The following DMD variants were observed in gnomAD, a reference collection of about 807,000 sequenced individuals.
DMD encodes dystrophin, also known as mutant dystrophin.
A neutral mutation model predicts 330.1 loss-of-function variants in DMD; 63 were observed. The ratio of observed to expected loss-of-function variants is 0.19; its 90% confidence interval spans 0.16 to 0.24. DMD has a LOEUF of 0.24. DMD is among the 10% of genes least tolerant of loss of function. The pLI, the probability that DMD is intolerant of heterozygous loss-of-function variation, is 1.00. For missense variants in DMD, 3,344 were observed against 2,684.1 expected, an observed-to-expected ratio of 1.25 and a Z score of -5.43; for synonymous variants, 1,223 against 959.8, an observed-to-expected ratio of 1.27 and a Z score of -5.07.
chrX:31,391,865 C>T (rs1472985980), intron 60 of DMD, among the ~76,000 whole-genome samples: 3 of 108,225 alleles, frequency 2.8e-5, no homozygotes, highest in African/African-American at 1.0e-4. Flanking sequence ...AGTGAGGCTC[C>T]ATCTCAAAAA....
At chrX:32,685,430 G>C (rs1285556676) in intron 9 of DMD, among the ~76,000 whole-genome samples, 1 of 111,659 alleles carries the variant, frequency 9.0e-6, no homozygotes, top group Non-Finnish European at 1.9e-5. Context: ...TCTAATTAAA[G>C]TTCTATTTTT....
chrX:32,533,147 C>T (rs1198301619), intron 17 of DMD, among the ~76,000 whole-genome samples: 1 of 111,229 alleles, frequency 9.0e-6, no homozygotes, highest in Non-Finnish European at 1.9e-5. Context: ...AAGATGGCCT[C>T]TCTCTCCCAA....
intron 60 of DMD, among the ~76,000 whole-genome samples, chrX:31,439,291 A>G (rs2064761356): frequency 1.8e-5 from 2 of 111,923 alleles, no homozygotes; most frequent in African/African-American, 6.5e-5. Flanking sequence ...TTTGTTTAGT[A>G]TGTCCTTGGA....
At chrX:31,961,514 G>A (rs771202562) in intron 45 of DMD, among the ~76,000 whole-genome samples, 1 of 111,580 alleles carries the variant, frequency 9.0e-6, no homozygotes, top group South Asian at 3.7e-4. Context: ...TTTTAATCTT[G>A]CTGGGGGAAA....
In DMD at chrX:32,277,910, A is replaced by G. The variant is rs1192739708; in HGVS notation, c.6290+9619T>C. ...AACAATGCAACTTAAAGACCTAGAC[A>G]AGCAGGAGCAAATCGAACCCAAAAT... On this transcript the variant is annotated intron_variant, in intron 43 of 78. Transcript: ENST00000357033. 5.4e-5 allele frequency among the ~76,000 whole-genome samples: 6 copies of G among 110,892 alleles called. No homozygotes were observed. The Admixed American group carries it at 5.8e-4, about 11-fold the overall frequency.
chrX:33,010,212 A>G (rs1390755871), intron 2 of DMD, among the ~76,000 whole-genome samples: 87 of 94,653 alleles, frequency 9.2e-4, no homozygotes, highest in African/African-American at 3.6e-3. Context: ...ATGTGTGTGT[A>G]TATGTACATA....
intron 2 of DMD, among the ~76,000 whole-genome samples, chrX:32,989,767 C>A (rs959197121): frequency 9.0e-6 from 1 of 110,955 alleles, no homozygotes; most frequent in African/African-American, 3.3e-5. Flanking sequence ...ATAAAAAGTA[C>A]TTTGTGTAAA....
At chrX:32,441,739 C>T (rs1026331740) in intron 27 of DMD, among the ~76,000 whole-genome samples, 1 of 111,382 alleles carries the variant, frequency 9.0e-6, no homozygotes, top group Non-Finnish European at 1.9e-5. Flanking sequence ...AACTATAGCT[C>T]TCTTTTCACT....
At chrX:32,119,772 C>T (rs761498706) in intron 44 of DMD, among the ~76,000 whole-genome samples, 20 of 112,397 alleles carry the variant, frequency 1.8e-4, no homozygotes, top group African/African-American at 6.1e-4. Context: ...GTCTTAACCA[C>T]ATCTGATTGA....
chrX:32,690,913 T>A (rs1385660858), intron 9 of DMD, among the ~76,000 whole-genome samples: 2 of 111,521 alleles, frequency 1.8e-5, no homozygotes, highest in East Asian at 5.6e-4. Flanking sequence ...GGAAAAATCT[T>A]GTGACATTCA....
At chrX:32,631,986 A>G (rs1439075932) in intron 11 of DMD, among the ~76,000 whole-genome samples, 2 of 111,574 alleles carry the variant, frequency 1.8e-5, no homozygotes, top group African/African-American at 3.3e-5. Flanking sequence ...GTCTTTACTT[A>G]TTCCAGAATT....
At chrX:31,257,537 A>G (rs1405237751) in intron 63 of DMD, among the ~76,000 whole-genome samples, 1 of 112,114 alleles carries the variant, frequency 8.9e-6, no homozygotes, top group African/African-American at 3.2e-5. Flanking sequence ...GTAAAAACTA[A>G]AATCAATGAA....
At chrX:32,664,709 A>G (rs1359779379) in intron 9 of DMD, among the ~76,000 whole-genome samples, 2 of 112,126 alleles carry the variant, frequency 1.8e-5, no homozygotes, top group African/African-American at 3.2e-5. Flanking sequence ...TTAGTTTTAC[A>G]TAGGGTAAAT....
chrX:32,670,968 A>G (rs1247421744), intron 9 of DMD, among the ~76,000 whole-genome samples: 1 of 110,996 alleles, frequency 9.0e-6, no homozygotes, highest in African/African-American at 3.3e-5. Context: ...ATATACATAT[A>G]AAGTACATTC....
intron 7 of DMD, among the ~76,000 whole-genome samples, chrX:32,716,517 C>T (rs185360762): frequency 9.0e-6 from 1 of 111,446 alleles, no homozygotes; most frequent in Non-Finnish European, 1.9e-5. Context: ...ATTACTCAAT[C>T]TCAGGTAGTT....
chrX:31,739,551 T>C lies in DMD; in HGVS notation c.7543-9803A>G, dbSNP rs1034835063. Among the ~76,000 whole-genome samples the C allele has an allele frequency of 8.2e-5, 9 of 110,185 alleles. No individual in the cohort carries two copies. The East Asian group carries it at 2.3e-3, about 28-fold the overall frequency. ...GCATGTTCTCACTCGTAAGTGGGAATTGAACAATGAGAACACATGGACACA... is the reference window on the plus strand; with the variant it reads ...GCATGTTCTCACTCGTAAGTGGGAACTGAACAATGAGAACACATGGACACA... On this transcript the variant is annotated intron_variant, in intron 51 of 78. Coordinates refer to ENST00000357033, the MANE Select transcript of DMD (RefSeq NM_004006.3).
intron 50 of DMD, among the ~76,000 whole-genome samples, chrX:31,783,363 A>G (rs976444414): frequency 9.0e-6 from 1 of 111,607 alleles, no homozygotes; most frequent in Non-Finnish European, 1.9e-5. Flanking sequence ...TAAATCTCTT[A>G]TTTGTTTGGG....
chrX:31,745,595 C>T (rs2087760201), intron 51 of DMD, among the ~76,000 whole-genome samples: 1 of 111,940 alleles, frequency 8.9e-6, no homozygotes, highest in Non-Finnish European at 1.9e-5. Flanking sequence ...CTTCATGCAT[C>T]TTTTTAAGAA....
chrX:32,404,548 A>C (rs772098346), intron 30 of DMD, among the ~76,000 whole-genome samples: 24 of 111,639 alleles, frequency 2.1e-4, no homozygotes, highest in African/African-American at 7.5e-4. Flanking sequence ...TCTTGCTTGC[A>C]GTAATTTAAG....
Sources: gnomAD v4.1 joint callset for allele counts (sites outside exome capture counted in the v4.1 genomes callset) on GRCh38, gnomAD v4.1.1 for gene constraint, MANE v1.5 for transcripts, NCBI Gene and HGNC (gene_info 2026-07-23, HGNC 2026-07-21) for gene names.